CGNL1: variants seen among roughly 807,000 people sequenced by gnomAD.
CGNL1 encodes the protein cingulin like 1.
A neutral mutation model predicts 141.2 loss-of-function variants in CGNL1; 132 were observed. The observed-to-expected ratio is 0.93, with a 90% CI of 0.81 to 1.08. The LOEUF (loss-of-function observed/expected upper bound fraction) is 1.08, where lower values mean the gene tolerates loss of function less well. Among genes scored for constraint, CGNL1 ranks in the 50% least tolerant of loss-of-function variants. CGNL1 has a pLI of 0.00. For missense variants in CGNL1, 1,870 were observed against 1,588.6 expected, an observed-to-expected ratio of 1.18 and a Z score of -3.01; for synonymous variants, 690 against 622.1, an observed-to-expected ratio of 1.11 and a Z score of -1.63.
intron 1 of CGNL1, among the ~76,000 whole-genome samples, chr15:57,390,895 G>A (rs143756196): frequency 3.0e-4 from 46 of 152,088 alleles, no homozygotes; most frequent in African/African-American, 1.1e-3. Flanking sequence ...CAAGCTGAGA[G>A]GGCAAAGAGG....
chr15:57,428,600 GCT>G (rs2063006497), intron 1 of CGNL1, among the ~76,000 whole-genome samples: 1 of 152,078 alleles, frequency 6.6e-6, no homozygotes, highest in Non-Finnish European at 1.5e-5. Flanking sequence ...GCTGGTCTGT[GCT>G]GGAATGCCAA....
rs11298152 is a variant in CGNL1, at chr15:57,481,064, GTTTTTTTTTTTTT to G, written c.2403+19182_2403+19194del. Among the ~76,000 whole-genome samples the G allele has an allele frequency of 1.0e-4, 12 of 116,094 alleles. No homozygotes were observed. In the South Asian group the frequency reaches 2.1e-3, roughly 21 times the overall value. The allele number at this position is 116,094 out of a possible 152,430, so 76.2% of individuals were successfully genotyped here. On this transcript the variant is annotated intron_variant, in intron 8 of 18. Transcript: ENST00000281282. ...GCCAGTGATCCAGGAAAGACCTGGGGTTTTTTTTTTTTTTTTTTTTTTAAAGATGGGCAAAGTT... is the reference window on the plus strand; with the variant it reads ...GCCAGTGATCCAGGAAAGACCTGGGGTTTTTTTTTAAAGATGGGCAAAGTT...
chr15:57,429,388 A>G (rs1246144899), intron 1 of CGNL1, among the ~76,000 whole-genome samples: 1 of 152,186 alleles, frequency 6.6e-6, no homozygotes, highest in Non-Finnish European at 1.5e-5. Flanking sequence ...ATTGGTAGTG[A>G]CTGCAGGGGT....
At chr15:57,441,964 A>G (rs1428414001) in intron 3 of CGNL1, among the ~76,000 whole-genome samples, 1 of 152,146 alleles carries the variant, frequency 6.6e-6, no homozygotes, top group Non-Finnish European at 1.5e-5. Flanking sequence ...ATTCAGATGT[A>G]CAGCATGTTT....
intron 1 of CGNL1, among the ~76,000 whole-genome samples, chr15:57,399,620 G>A (rs2062637737): frequency 6.6e-6 from 1 of 151,856 alleles, no homozygotes; most frequent in East Asian, 1.9e-4. Flanking sequence ...ACAAGAAATG[G>A]ACAGTGCTAC....
intron 8 of CGNL1, among the ~76,000 whole-genome samples, chr15:57,513,406 G>A (rs921712998): frequency 2.0e-5 from 3 of 152,080 alleles, no homozygotes; most frequent in African/African-American, 7.2e-5. Flanking sequence ...CTATGGATAT[G>A]CCACATTTTG....
At chr15:57,522,200 G>A (rs1177606639) in intron 10 of CGNL1, among the ~76,000 whole-genome samples, 1 of 152,184 alleles carries the variant, frequency 6.6e-6, no homozygotes, top group Non-Finnish European at 1.5e-5. Flanking sequence ...GTTCTCTGCA[G>A]CAATTAACTT....
chr15:57,545,824 C>CTGGGTGGCTGAT, intron 17 of CGNL1, 124 bp downstream of exon 17: 2 of 815,936 alleles, frequency 2.5e-6, no homozygotes, highest in Non-Finnish European at 3.9e-6. Context: ...TCCCTTTCCA[C>CTGGGTGGCTGAT]GCACCCAGTC....
intron 8 of CGNL1, among the ~76,000 whole-genome samples, chr15:57,480,399 A>G (rs866368055): frequency 1.3e-5 from 2 of 151,488 alleles, no homozygotes; most frequent in South Asian, 2.1e-4. Context: ...GTACATTTGT[A>G]ATCCCAGCTA....
At chr15:57,532,889 T>C (rs951140429) in intron 14 of CGNL1, among the ~76,000 whole-genome samples, 3 of 152,208 alleles carry the variant, frequency 2.0e-5, no homozygotes, top group Admixed American at 1.3e-4. Context: ...TTCTGCCTTA[T>C]GTTTTTGTCT....
intron 3 of CGNL1, among the ~76,000 whole-genome samples, chr15:57,441,060 T>C (rs2063180365): frequency 2.0e-5 from 2 of 100,360 alleles, no homozygotes; most frequent in South Asian, 8.6e-4. Flanking sequence ...ACAGATGTGA[T>C]TAAGAGGAAG....
At chr15:57,460,788 A>G (rs1206344017) in intron 7 of CGNL1, among the ~76,000 whole-genome samples, 1 of 152,152 alleles carries the variant, frequency 6.6e-6, no homozygotes, top group Non-Finnish European at 1.5e-5. Context: ...ATAACTCAAG[A>G]TGAGATTTGG....
chr15:57,543,657 G>C, intron 14 of CGNL1, 39 bp from the exon 15 acceptor site: 1 of 1,533,850 alleles, frequency 6.5e-7, no homozygotes, highest in Non-Finnish European at 9.0e-7. Context: ...TACAGGAACA[G>C]TCCTTCTAAC....
chr15:57,456,339 T>C (rs1395865430), intron 7 of CGNL1, among the ~76,000 whole-genome samples: 2 of 152,114 alleles, frequency 1.3e-5, no homozygotes, highest in East Asian at 3.9e-4. Context: ...ATGGACCAGA[T>C]TTTGCATGAA....
intron 8 of CGNL1, among the ~76,000 whole-genome samples, chr15:57,499,526 C>G (rs192093194): frequency 1.3e-5 from 2 of 152,274 alleles, no homozygotes; most frequent in Admixed American, 1.3e-4. Flanking sequence ...GCGTGAGCCA[C>G]CGTACCTGGC....
At chr15:57,475,789 C>T (rs1462132453) in intron 8 of CGNL1, among the ~76,000 whole-genome samples, 3 of 152,042 alleles carry the variant, frequency 2.0e-5, no homozygotes, top group Non-Finnish European at 4.4e-5. Context: ...TGCTTGCTTT[C>T]TTCTTTCCCC....
intron 1 of CGNL1, among the ~76,000 whole-genome samples, chr15:57,427,291 G>T (rs1035387999): frequency 3.9e-5 from 6 of 152,258 alleles, no homozygotes; most frequent in African/African-American, 1.4e-4. Context: ...TAAACATTTT[G>T]GGTGCCTACA....
At chr15:57,459,524 A>C (rs2063420152) in intron 7 of CGNL1, among the ~76,000 whole-genome samples, 1 of 152,304 alleles carries the variant, frequency 6.6e-6, no homozygotes, top group African/African-American at 2.4e-5. Context: ...TCTGAAAGGC[A>C]GGGAGAGATG....
chr15:57,438,720 A>G lies in CGNL1; in HGVS notation c.721A>G (p.Thr241Ala), dbSNP rs1285181656. ...TSVCVNVQSCTKERVGEEALF... is the reference protein window; with the variant it reads ...TSVCVNVQSCAKERVGEEALF... ...AGTGTGTGTAAACGTTCAGAGCTGC[A>G]CCAAGGAGAGGGTGGGAGAGGAGGC... The change falls in exon 2 of 19, where the codon ACC becomes GCC. Residue 241 changes from threonine to alanine, a missense_variant. Thr to Ala is a moderately conservative substitution (Grantham distance 58). Coordinates refer to ENST00000281282, the MANE Select transcript of CGNL1 (RefSeq NM_032866.5). The G allele has an allele frequency of 1.2e-6, 2 of 1,614,184 alleles. No homozygotes were observed. Among genetic ancestry groups the G allele is most frequent in the Middle Eastern group, 3.3e-4 (2 of 6,062 alleles).
Sources: gnomAD v4.1 joint callset for allele counts (sites outside exome capture counted in the v4.1 genomes callset) on GRCh38, gnomAD v4.1.1 for gene constraint, MANE v1.5 for transcripts, NCBI Gene and HGNC (gene_info 2026-07-23, HGNC 2026-07-21) for gene names.